The following SRSF11 variants were observed in gnomAD, a reference collection of about 807,000 sequenced individuals.
The protein encoded by SRSF11 is serine and arginine rich splicing factor 11, also known as serine/arginine-rich splicing factor 11.
In SRSF11, 9 loss-of-function variants were observed where a neutral mutation model predicts 56.0. The ratio of observed to expected loss-of-function variants is 0.16; its 90% CI spans 0.10 to 0.28. SRSF11 has a LOEUF of 0.28. SRSF11 is among the 10% of genes least tolerant of loss of function. The pLI is 1.00. For synonymous variants in SRSF11, 222 were observed against 215.3 expected, an observed-to-expected ratio of 1.03 and a Z score of -0.27; for missense variants, 421 against 600.7, an observed-to-expected ratio of 0.70 and a Z score of 3.13.
intron 7 of SRSF11, among the ~76,000 whole-genome samples, chr1:70,241,177 A>G (rs1675304882): frequency 6.6e-6 from 1 of 152,012 alleles, no homozygotes; most frequent in Non-Finnish European, 1.5e-5. Context: ...CTTAGTTTTT[A>G]CCAAGGGTTA....
chr1:70,236,000 C>G (rs937258365), intron 5 of SRSF11, among the ~76,000 whole-genome samples: 7 of 152,164 alleles, frequency 4.6e-5, no homozygotes, highest in African/African-American at 1.7e-4. Context: ...GATGATGTGA[C>G]AGATTCATCA....
Position 70,247,386 on chromosome 1 carries a change from A to G in SRSF11, c.1022+479A>G, listed in dbSNP as rs189994465. On this transcript the variant is annotated intron_variant, in intron 9 of 11. Transcript: ENST00000370949. ...TGAAAATTGAAATGTTGCAGACCTTACTGCACAAAAAGCACATTTTCATAC... is the reference window on the plus strand; with the variant it reads ...TGAAAATTGAAATGTTGCAGACCTTGCTGCACAAAAAGCACATTTTCATAC... 9.9e-5 allele frequency among the ~76,000 whole-genome samples: 15 copies of G among 152,266 alleles called. No individual in the cohort carries two copies. In the East Asian group the frequency reaches 2.5e-3, roughly 25 times the overall value.
At chr1:70,238,986 G>A (rs992013468) in intron 6 of SRSF11, among the ~76,000 whole-genome samples, 4 of 152,132 alleles carry the variant, frequency 2.6e-5, no homozygotes, top group Non-Finnish European at 4.4e-5. Context: ...TTATAAAATG[G>A]TTACTTGTGA....
At chr1:70,225,543 C>T (rs1041338641) in intron 1 of SRSF11, among the ~76,000 whole-genome samples, 1 of 152,144 alleles carries the variant, frequency 6.6e-6, no homozygotes, top group South Asian at 2.1e-4. Context: ...TATCAGTGGC[C>T]TAAACCTGAA....
At chr1:70,245,229 CT>C (rs1160227989) in intron 8 of SRSF11, among the ~76,000 whole-genome samples, 1 of 152,128 alleles carries the variant, frequency 6.6e-6, no homozygotes, top group Admixed American at 6.6e-5. Context: ...TTAGCAACTG[CT>C]TTTTATCTCT....
chr1:70,231,579 C>A, intron 2 of SRSF11: 1 of 1,125,780 alleles, frequency 8.9e-7, no homozygotes, highest in South Asian at 2.1e-5. Flanking sequence ...AAGGAATGTG[C>A]CATGTTGTTT....
chr1:70,243,825 G>T (rs1015052560), intron 7 of SRSF11, among the ~76,000 whole-genome samples: 1 of 152,162 alleles, frequency 6.6e-6, no homozygotes, highest in South Asian at 2.1e-4. Flanking sequence ...AAGGTGGGCT[G>T]GTGGCTTGAG....
Position 70,251,710 on chromosome 1 carries a change from T to C in SRSF11, c.*905T>C, listed in dbSNP as rs904738318. The C allele has an allele frequency of 6.6e-6, 1 of 152,598 alleles. No homozygotes were observed. The highest frequency in any genetic ancestry group is 2.4e-5 in the African/African-American group (1 of 41,466). The allele number at this position is 152,598 out of a possible 1,614,324, so 9.5% of individuals were successfully genotyped here. Reference sequence around the variant, plus strand: ...GTGTTGGAAAAAAGGGGTAGTGCATTTTAAATTGACCTTCATACGCTTTTA... The same window carrying C: ...GTGTTGGAAAAAAGGGGTAGTGCATCTTAAATTGACCTTCATACGCTTTTA... On this transcript the variant is annotated 3_prime_UTR_variant, in exon 12 of 12. Transcript: ENST00000370949.
chr1:70,221,526 T>C lies in SRSF11; in HGVS notation c.-111T>C, dbSNP rs968409268. 9.3e-6 allele frequency: 13 copies of C among 1,403,282 alleles called. No homozygotes were observed. In the African/African-American group the frequency reaches 1.2e-4, roughly 13 times the overall value. 86.9% of individuals were successfully genotyped at this position (1,403,282 alleles called of 1,614,324 possible). A position where few individuals can be genotyped will look rare whatever the true frequency, so the allele number is the denominator to read the frequency against. On this transcript the variant is annotated 5_prime_UTR_variant, in exon 1 of 12. Transcript: ENST00000370949. ...GCATCGGCAGCAGTAGCAGAGGCTG[T>C]AGCATCGGACACCCTCCTCTCTCCC...
At chr1:70,239,126 C>T (rs1245256769) in intron 6 of SRSF11, among the ~76,000 whole-genome samples, 1 of 152,152 alleles carries the variant, frequency 6.6e-6, no homozygotes, top group Admixed American at 6.5e-5. Flanking sequence ...GGGTCTCACT[C>T]TGTTGCCGAG....
intron 1 of SRSF11, among the ~76,000 whole-genome samples, chr1:70,222,187 ATTTG>A (rs761423674): frequency 2.0e-5 from 3 of 152,034 alleles, no homozygotes; most frequent in South Asian, 4.1e-4. Context: ...AAAACTGAGT[ATTTG>A]TTCTTTGCGT....
At position 70,247,430 on chromosome 1, in the gene SRSF11, G is replaced by A. The variant is rs182497317; in HGVS notation, c.1022+523G>A. Among the ~76,000 whole-genome samples the A allele has an allele frequency of 1.5e-3, 234 of 152,186 alleles. 5 individuals carry two copies. The highest frequency in any genetic ancestry group is 2.4e-4 in the Non-Finnish European group (16 of 67,954). On this transcript the variant is annotated intron_variant, in intron 9 of 11. Transcript: ENST00000370949. Reference sequence around the variant, plus strand: ...TTCATACTTAATTTGGGATTTATATGATAGTAAGGGCTGGACTTCATTCCA... The same window carrying A: ...TTCATACTTAATTTGGGATTTATATAATAGTAAGGGCTGGACTTCATTCCA...
intron 10 of SRSF11, 79 bp from the exon 11 acceptor site, chr1:70,250,286 C>A (rs2101038748): frequency 1.9e-6 from 3 of 1,576,292 alleles, no homozygotes; most frequent in Non-Finnish European, 1.7e-6. Context: ...TGCTGTACTA[C>A]TTATATCCTG....
At chr1:70,220,500 G>A (rs749497049), upstream of SRSF11, among the ~76,000 whole-genome samples, 5 of 152,190 alleles carry the variant, frequency 3.3e-5, no homozygotes, top group Non-Finnish European at 7.3e-5. Context: ...ATTTTCTTTA[G>A]AAATATATAC....
chr1:70,244,906 G>A (rs1461223739), intron 8 of SRSF11, 91 bp downstream of exon 8: 4 of 1,321,778 alleles, frequency 3.0e-6, no homozygotes, highest in Non-Finnish European at 4.2e-6. Flanking sequence ...TGGGGTGCGG[G>A]GCAGAGAAAT....
chr1:70,252,872 A>T lies in SRSF11; in HGVS notation c.*2067A>T, dbSNP rs961264747. The T allele has an allele frequency of 2.0e-5, 3 of 152,212 alleles. No homozygotes were observed. The highest frequency in any genetic ancestry group is 2.9e-5 in the Non-Finnish European group (2 of 68,034). The allele number at this position is 152,212 out of a possible 1,614,324, so 9.4% of individuals were successfully genotyped here. On this transcript the variant is annotated 3_prime_UTR_variant, in exon 12 of 12. Coordinates refer to ENST00000370949, the MANE Select transcript of SRSF11 (RefSeq NM_001350605.2). ...CCACTGACAAGATGCTACAGTGAAG[A>T]TTATCCATTCTTAGGATATTTATTT...
chr1:70,212,689 T>C (rs185023255), intron 1 of SRSF11, among the ~76,000 whole-genome samples: 18 of 152,344 alleles, frequency 1.2e-4, no homozygotes, highest in African/African-American at 4.1e-4. Context: ...TTAACTTAAC[T>C]GTTTATAGGG....
At chr1:70,223,938 T>C (rs1671193070) in intron 1 of SRSF11, among the ~76,000 whole-genome samples, 1 of 152,184 alleles carries the variant, frequency 6.6e-6, no homozygotes, top group South Asian at 2.1e-4. Context: ...CTTCTTCATC[T>C]CTGGGTTCCA....
chr1:70,240,787 T>C (rs962607878), intron 7 of SRSF11, among the ~76,000 whole-genome samples: 1 of 150,618 alleles, frequency 6.6e-6, no homozygotes, highest in African/African-American at 2.4e-5. Flanking sequence ...TTTTTTTTTT[T>C]TTTTTGAGAC....
Sources: allele counts gnomAD v4.1 joint callset (sites outside exome capture counted in the v4.1 genomes callset), GRCh38; gene constraint gnomAD v4.1.1; transcripts MANE v1.5; gene names NCBI Gene and HGNC (gene_info 2026-07-23, HGNC 2026-07-21).